SGCD: variants seen among roughly 807,000 people sequenced by gnomAD.
SGCD encodes delta-sarcoglycan.
In SGCD, 18 loss-of-function variants were observed where a neutral mutation model predicts 36.6. The observed-to-expected ratio is 0.49, with a 90% CI of 0.34 to 0.73. The LOEUF (loss-of-function observed/expected upper bound fraction) is 0.73, where lower values mean the gene tolerates loss of function less well. Ranked by LOEUF, SGCD falls within the 30% of genes least tolerant of loss-of-function variation. The pLI is 0.01. For missense variants in SGCD, 387 were observed against 346.7 expected, an observed-to-expected ratio of 1.12 and a Z score of -0.92; for synonymous variants, 133 against 130.6, an observed-to-expected ratio of 1.02 and a Z score of -0.12.
chr5:156,680,864 T>C (rs989351071), intron 7 of SGCD, among the ~76,000 whole-genome samples: 1 of 152,178 alleles, frequency 6.6e-6, no homozygotes, highest in African/African-American at 2.4e-5. Context: ...ATAGTTTCCT[T>C]GACCCCCTTC....
chr5:155,912,428 A>G (rs1426881961), intron 1 of SGCD, among the ~76,000 whole-genome samples: 1 of 152,086 alleles, frequency 6.6e-6, no homozygotes, highest in Non-Finnish European at 1.5e-5. Context: ...TCTTTTAATG[A>G]TTTGTGCTTC....
chr5:156,278,687 T>C (rs1472901064), intron 3 of SGCD, among the ~76,000 whole-genome samples: 1 of 152,214 alleles, frequency 6.6e-6, no homozygotes, highest in Admixed American at 6.5e-5. Flanking sequence ...AATTGTAGGA[T>C]GCTTTTTTAA....
At chr5:156,056,529 A>G (rs2127582566) in intron 1 of SGCD, among the ~76,000 whole-genome samples, 1 of 143,800 alleles carries the variant, frequency 7.0e-6, no homozygotes, top group South Asian at 2.2e-4. Flanking sequence ...TAGTTCTGCC[A>G]TCTCACCCAG....
At chr5:156,633,843 A>T (rs1448743431) in intron 6 of SGCD, among the ~76,000 whole-genome samples, 1 of 152,182 alleles carries the variant, frequency 6.6e-6, no homozygotes, top group Non-Finnish European at 1.5e-5. Flanking sequence ...ATCATCTCTG[A>T]TAATTTCATT....
intron 3 of SGCD, among the ~76,000 whole-genome samples, chr5:156,470,607 C>G (rs1581039633): frequency 6.7e-6 from 1 of 150,116 alleles, no homozygotes; most frequent in South Asian, 2.1e-4. Context: ...GGTTTTTTGT[C>G]CTTGCGATAG....
intron 3 of SGCD, among the ~76,000 whole-genome samples, chr5:156,288,059 T>TA (rs1318176836): frequency 6.6e-6 from 1 of 152,178 alleles, no homozygotes; most frequent in African/African-American, 2.4e-5. Context: ...CCTAAAAACA[T>TA]AAAAGCTGTG....
intron 1 of SGCD, among the ~76,000 whole-genome samples, chr5:155,914,513 TGATA>T (rs768547720): frequency 6.6e-6 from 1 of 152,174 alleles, no homozygotes; most frequent in East Asian, 1.9e-4. Context: ...GCATTCCATA[TGATA>T]GATAGCCCTG....
chr5:155,782,396 CA>C, the SGCD span, among the ~76,000 whole-genome samples: 2 of 151,926 alleles, frequency 1.3e-5, no homozygotes, highest in East Asian at 1.9e-4. Context: ...TTGGCTGCTA[CA>C]AAAAATTTGA....
intron 1 of SGCD, among the ~76,000 whole-genome samples, chr5:156,091,722 C>A (rs985057110): frequency 6.6e-6 from 1 of 152,226 alleles, no homozygotes; most frequent in Non-Finnish European, 1.5e-5. Context: ...TTTGCATCAT[C>A]AAAGAAGATG....
chr5:155,917,001 C>A (rs1264247069), intron 1 of SGCD, among the ~76,000 whole-genome samples: 1 of 152,176 alleles, frequency 6.6e-6, no homozygotes, highest in African/African-American at 2.4e-5. Flanking sequence ...CCTATAATTT[C>A]TCCCTATCTC....
the SGCD span, among the ~76,000 whole-genome samples, chr5:155,812,890 A>T: frequency 6.6e-6 from 1 of 152,182 alleles, no homozygotes; most frequent in Non-Finnish European, 1.5e-5. Flanking sequence ...TTCAGGGAAC[A>T]AATCAGGCAT....
intron 3 of SGCD, among the ~76,000 whole-genome samples, chr5:156,283,810 G>A (rs573296748): frequency 3.9e-5 from 6 of 152,254 alleles, no homozygotes; most frequent in African/African-American, 7.2e-5. Flanking sequence ...CAGACCACAC[G>A]TTGAGAAGCA....
At chr5:156,605,625 C>T (rs1761405972) in intron 6 of SGCD, among the ~76,000 whole-genome samples, 2 of 152,230 alleles carry the variant, frequency 1.3e-5, no homozygotes, top group African/African-American at 4.8e-5. Context: ...AATCGCCACA[C>T]TGACTTCCAC....
At chr5:156,003,360 G>T (rs970369401) in intron 1 of SGCD, among the ~76,000 whole-genome samples, 3 of 152,172 alleles carry the variant, frequency 2.0e-5, no homozygotes, top group Admixed American at 1.3e-4. Flanking sequence ...AATGGACAAA[G>T]AATTGAAAAA....
intron 1 of SGCD, among the ~76,000 whole-genome samples, chr5:156,038,440 T>C (rs1204253275): frequency 6.6e-6 from 1 of 152,200 alleles, no homozygotes; most frequent in African/African-American, 2.4e-5. Flanking sequence ...AATAGTATTA[T>C]GCCAATGTTA....
intron 4 of SGCD, among the ~76,000 whole-genome samples, chr5:156,525,314 TG>T (rs1315889361): frequency 6.6e-6 from 1 of 152,150 alleles, no homozygotes; most frequent in Non-Finnish European, 1.5e-5. Context: ...TGCATTTCCC[TG>T]ATGATTAGTG....
intron 3 of SGCD, among the ~76,000 whole-genome samples, chr5:156,142,302 T>C (rs1391863809): frequency 6.6e-5 from 10 of 152,196 alleles, no homozygotes; most frequent in Non-Finnish European, 1.0e-4. Context: ...CCTCTTTTCT[T>C]TATAAATTAA....
At chr5:155,905,363 T>C (rs183995665) in intron 1 of SGCD, among the ~76,000 whole-genome samples, 5 of 152,176 alleles carry the variant, frequency 3.3e-5, no homozygotes, top group African/African-American at 1.2e-4. Context: ...ACTTTTTTTT[T>C]GGAGATGTAT....
intron 1 of SGCD, among the ~76,000 whole-genome samples, chr5:156,024,287 G>A (rs1759176631): frequency 1.3e-5 from 2 of 151,430 alleles, no homozygotes; most frequent in South Asian, 4.2e-4. Flanking sequence ...AAAATAGAGT[G>A]TAAATTGAAA....
Sources: allele counts gnomAD v4.1 joint callset (sites outside exome capture counted in the v4.1 genomes callset), GRCh38; gene constraint gnomAD v4.1.1; transcripts MANE v1.5; gene names NCBI Gene and HGNC (gene_info 2026-07-23, HGNC 2026-07-21).